The following ARB2A variants were observed in gnomAD, a reference collection of about 807,000 sequenced individuals.
The protein encoded by ARB2A is cotranscriptional regulator ARB2A.
the ARB2A span, among the ~76,000 whole-genome samples, chr5:93,864,675 T>C: frequency 6.6e-6 from 1 of 152,202 alleles, no homozygotes; most frequent in East Asian, 1.9e-4. Context: ...AAAATGTATA[T>C]AGTCTCAAAT....
At chr5:93,903,712 T>C in the ARB2A span, among the ~76,000 whole-genome samples, 8 of 113,086 alleles carry the variant, frequency 7.1e-5, no homozygotes, top group East Asian at 1.9e-3. Context: ...TATATATCTG[T>C]GTGTGTGTGT....
At chr5:93,961,503 A>T in the ARB2A span, among the ~76,000 whole-genome samples, 1 of 152,156 alleles carries the variant, frequency 6.6e-6, no homozygotes, top group Non-Finnish European at 1.5e-5. Context: ...TGGGCAACAT[A>T]GTGAGACCCT....
chr5:94,059,749 A>C, the ARB2A span, among the ~76,000 whole-genome samples: 1 of 152,000 alleles, frequency 6.6e-6, no homozygotes, highest in Non-Finnish European at 1.5e-5. Flanking sequence ...TTCAACTAAA[A>C]AAAAAAAGTC....
At chr5:94,108,006 A>C in the ARB2A span, among the ~76,000 whole-genome samples, 1 of 152,120 alleles carries the variant, frequency 6.6e-6, no homozygotes, top group Admixed American at 6.6e-5. Context: ...TCTGGGGCTC[A>C]TGATCCATCA....
chr5:93,787,596 C>T, the ARB2A span, among the ~76,000 whole-genome samples: 2 of 151,990 alleles, frequency 1.3e-5, no homozygotes, highest in Admixed American at 1.3e-4. Flanking sequence ...TAAAGGCCAC[C>T]CAGACACAAA....
At chr5:93,986,726 T>G in the ARB2A span, among the ~76,000 whole-genome samples, 1 of 152,148 alleles carries the variant, frequency 6.6e-6, no homozygotes, top group East Asian at 1.9e-4. Flanking sequence ...CCCAACCCGG[T>G]GCTCTCGGAA....
the ARB2A span, among the ~76,000 whole-genome samples, chr5:94,061,173 G>A: frequency 5.3e-5 from 8 of 152,236 alleles, no homozygotes; most frequent in Non-Finnish European, 1.0e-4. Context: ...GGGAGGCAGA[G>A]CTTGCAATGA....
chr5:93,621,802 G>T, the ARB2A span, among the ~76,000 whole-genome samples: 2 of 152,178 alleles, frequency 1.3e-5, no homozygotes, highest in African/African-American at 2.4e-5. Context: ...ATTACGCCTT[G>T]AAGTGTCCTG....
the ARB2A span, among the ~76,000 whole-genome samples, chr5:93,823,766 C>A: frequency 2.0e-5 from 3 of 151,930 alleles, no homozygotes; most frequent in African/African-American, 7.3e-5. Context: ...AACATCCTGG[C>A]CAACATGGTG....
At chr5:93,765,618 G>T in the ARB2A span, among the ~76,000 whole-genome samples, 19 of 152,136 alleles carry the variant, frequency 1.2e-4, no homozygotes, top group Non-Finnish European at 1.8e-4. Flanking sequence ...TGGCCATACA[G>T]CCCAAGGTAA....
chr5:93,683,791 C>T, the ARB2A span: 23 of 1,325,250 alleles, frequency 1.7e-5, no homozygotes, highest in Middle Eastern at 2.6e-4. Flanking sequence ...AGAACAGCCG[C>T]GCAGGACGGA....
At chr5:93,944,258 T>G in the ARB2A span, among the ~76,000 whole-genome samples, 1 of 152,318 alleles carries the variant, frequency 6.6e-6, no homozygotes. Flanking sequence ...TTGAATTATT[T>G]AATTATCTCT....
At chr5:93,691,279 A>C in the ARB2A span, among the ~76,000 whole-genome samples, 3 of 152,162 alleles carry the variant, frequency 2.0e-5, no homozygotes, top group South Asian at 6.2e-4. Flanking sequence ...AAGAACCTTG[A>C]AAAAAGGTTA....
At chr5:93,715,643 C>CTT in the ARB2A span, among the ~76,000 whole-genome samples, 318 of 141,728 alleles carry the variant, frequency 2.2e-3, no homozygotes, top group African/African-American at 7.6e-3. Context: ...TTTCCCCCGC[C>CTT]TTTTTTTTTT....
the ARB2A span, among the ~76,000 whole-genome samples, chr5:93,859,305 A>C: frequency 6.6e-6 from 1 of 152,148 alleles, no homozygotes; most frequent in Non-Finnish European, 1.5e-5. Context: ...TAGGGTCAGG[A>C]TAATTATCAA....
chr5:94,044,151 C>T, the ARB2A span, among the ~76,000 whole-genome samples: 254 of 152,298 alleles, frequency 1.7e-3, no homozygotes, highest in Non-Finnish European at 2.8e-3. Context: ...TAGCCTAATT[C>T]TGGGCATGTA....
the ARB2A span, among the ~76,000 whole-genome samples, chr5:93,754,653 AT>A: frequency 6.6e-6 from 1 of 152,152 alleles, no homozygotes; most frequent in East Asian, 1.9e-4. Context: ...AAACATTTAT[AT>A]TTTCCTTTCC....
At chr5:93,893,633 T>C in the ARB2A span, among the ~76,000 whole-genome samples, 2 of 152,174 alleles carry the variant, frequency 1.3e-5, no homozygotes, top group African/African-American at 4.8e-5. Flanking sequence ...ATTATAATAA[T>C]TAGGTAGGCA....
chr5:93,914,705 CA>C, the ARB2A span, among the ~76,000 whole-genome samples: 1 of 151,786 alleles, frequency 6.6e-6, no homozygotes, highest in Admixed American at 6.6e-5. Context: ...AAATAAATTT[CA>C]TAATTTTTTA....
Sources: gnomAD v4.1 joint callset for allele counts (sites outside exome capture counted in the v4.1 genomes callset) on GRCh38, gnomAD v4.1.1 for gene constraint, MANE v1.5 for transcripts, NCBI Gene and HGNC (gene_info 2026-07-23, HGNC 2026-07-21) for gene names.